The following MAEL variants were observed in gnomAD, a reference collection of about 807,000 sequenced individuals.
MAEL encodes maelstrom spermatogenic transposon silencer.
A neutral mutation model predicts 62.0 loss-of-function variants in MAEL; 46 were observed. The ratio of observed to expected loss-of-function variants is 0.74; its 90% confidence interval spans 0.59 to 0.95. The LOEUF (loss-of-function observed/expected upper bound fraction) is 0.95. Ranked by LOEUF, MAEL falls within the 40% of genes least tolerant of loss-of-function variation. MAEL has a pLI of 0.00. For synonymous variants in MAEL, 172 were observed against 175.5 expected (o/e 0.98, Z 0.16); for missense variants, 497 against 526.8 (o/e 0.94, Z 0.55).
intron 1 of MAEL, among the ~76,000 whole-genome samples, chr1:166,980,710 A>G (rs1663735332): frequency 6.6e-6 from 1 of 152,034 alleles, no homozygotes; most frequent in African/African-American, 2.4e-5. Context: ...TTCTGTTTTT[A>G]TTTCATGGTT....
At position 166,989,473 on chromosome 1, in the gene MAEL, T is replaced by G. The variant is rs11578336; in HGVS notation, c.121T>G (p.Ser41Ala). ...TGCTGATGCCATCCCTTACTGCTCCTCAGACTGGGCGGTAAGGCTGGAGCG... is the reference window on the plus strand; with the variant it reads ...TGCTGATGCCATCCCTTACTGCTCCGCAGACTGGGCGGTAAGGCTGGAGCG... Reference protein sequence around the residue: ...RVADAIPYCSSDWALLREEEK... With the variant: ...RVADAIPYCSADWALLREEEK... Residue 41 changes from serine to alanine, a missense_variant, in exon 1 of 12, where the codon TCA becomes GCA. By Grantham distance (99) the Ser-to-Ala change is moderately conservative. Transcript: ENST00000367872. The G allele has an allele frequency of 0.24, 385,061 of 1,584,168 alleles. 47,874 individuals are homozygous for G. The highest frequency in any genetic ancestry group is 0.37 in the African/African-American group (27,239 of 74,548).
At chr1:166,983,386 CTT>C (rs550265495) in intron 1 of MAEL, among the ~76,000 whole-genome samples, 514 of 152,156 alleles carry the variant, frequency 3.4e-3, no homozygotes, top group Non-Finnish European at 5.1e-3. Context: ...TTTTCTCTCT[CTT>C]CACTCTCTCC....
intron 4 of MAEL, among the ~76,000 whole-genome samples, chr1:166,993,672 CT>C (rs1021899647): frequency 2.0e-5 from 3 of 152,154 alleles, no homozygotes; most frequent in African/African-American, 7.2e-5. Context: ...AATTTGGGGA[CT>C]GTTTTTCCTC....
At chr1:166,990,958 C>A (rs951445446) in intron 2 of MAEL, among the ~76,000 whole-genome samples, 1 of 152,206 alleles carries the variant, frequency 6.6e-6, no homozygotes, top group African/African-American at 2.4e-5. Flanking sequence ...TATCTCTCCT[C>A]AAAACTAAAG....
At chr1:166,998,695 C>G (rs1198128852) in intron 5 of MAEL, among the ~76,000 whole-genome samples, 1 of 152,146 alleles carries the variant, frequency 6.6e-6, no homozygotes, top group African/African-American at 2.4e-5. Flanking sequence ...TACATGCACA[C>G]CTTGTTTTAT....
At chr1:166,977,285 T>A (rs921351414) in intron 1 of MAEL, among the ~76,000 whole-genome samples, 1 of 152,236 alleles carries the variant, frequency 6.6e-6, no homozygotes, top group Non-Finnish European at 1.5e-5. Flanking sequence ...ATGTACTGCA[T>A]GAGAGAAATT....
intron 5 of MAEL, among the ~76,000 whole-genome samples, chr1:167,001,979 C>T (rs1473443815): frequency 1.3e-5 from 2 of 152,150 alleles, no homozygotes; most frequent in African/African-American, 2.4e-5. Flanking sequence ...CAAGGTTTTG[C>T]CATGTTGGCC....
chr1:167,008,914 A>G (rs1665044808), intron 8 of MAEL, among the ~76,000 whole-genome samples: 1 of 151,640 alleles, frequency 6.6e-6, no homozygotes, highest in African/African-American at 2.4e-5. Flanking sequence ...TGTTTATAAT[A>G]TTTTTACTTT....
intron 1 of MAEL, among the ~76,000 whole-genome samples, chr1:166,976,254 T>G (rs1477421726): frequency 2.0e-5 from 3 of 152,236 alleles, no homozygotes; most frequent in Non-Finnish European, 4.4e-5. Context: ...TCAGACGGAT[T>G]TGTCTTGTGT....
chr1:166,978,216 A>C (rs1184082043), intron 1 of MAEL, among the ~76,000 whole-genome samples: 1 of 152,154 alleles, frequency 6.6e-6, no homozygotes, highest in Non-Finnish European at 1.5e-5. Context: ...AGTGCCCTGC[A>C]TGTCTACTTT....
At chr1:166,997,303 C>T (rs1435375269) in intron 5 of MAEL, among the ~76,000 whole-genome samples, 3 of 152,240 alleles carry the variant, frequency 2.0e-5, no homozygotes, top group Non-Finnish European at 4.4e-5. Context: ...ATGAGGCCTG[C>T]ATGCCGTGGG....
At chr1:166,991,531 A>G (rs2102070316) in intron 3 of MAEL, 54 bp downstream of exon 3, 4 of 1,007,852 alleles carry the variant, frequency 4.0e-6, no homozygotes, top group South Asian at 1.3e-5. Context: ...CCAAAACACT[A>G]TATTTGTCAG....
At chr1:167,004,952 CT>C in intron 6 of MAEL, 123 bp from the exon 7 acceptor site, 1 of 797,870 alleles carries the variant, frequency 1.3e-6, no homozygotes, top group South Asian at 1.8e-5. Flanking sequence ...ACTCCTCAGT[CT>C]TTCTCCTGTG....
At chr1:167,009,010 A>G (rs1665049665) in intron 8 of MAEL, among the ~76,000 whole-genome samples, 1 of 150,712 alleles carries the variant, frequency 6.6e-6, no homozygotes, top group Non-Finnish European at 1.5e-5. Flanking sequence ...ATGAGAATAT[A>G]CTTTCTTTTC....
At chr1:166,986,481 T>C (rs1663917186), upstream of MAEL, among the ~76,000 whole-genome samples, 1 of 152,142 alleles carries the variant, frequency 6.6e-6, no homozygotes, top group Admixed American at 6.5e-5. Flanking sequence ...AAGCTGCTTG[T>C]CTGTTTGGGA....
chr1:166,991,527 C>A, intron 3 of MAEL, 50 bp downstream of exon 3: 1 of 1,057,912 alleles, frequency 9.5e-7, no homozygotes, highest in Non-Finnish European at 1.5e-6. Context: ...GTGCCCAAAA[C>A]ACTATATTTG....
chr1:166,988,498 A>G (rs1320305773), upstream of MAEL, among the ~76,000 whole-genome samples: 1 of 152,156 alleles, frequency 6.6e-6, no homozygotes, highest in East Asian at 1.9e-4. Flanking sequence ...AGCTGACCCG[A>G]GAAAGGAATT....
Position 166,992,698 on chromosome 1 carries a change from G to T in MAEL, c.338G>T (p.Gly113Val). ...SLKGDQALLG[G>V]IFYFLNIFSH... is the part of the protein sequence containing the mutation. ...AATTTTTTTTTAGCTCTCCTTGGAG[G>T]CATTTTTTATTTTTTGAACATTTTT... The change falls in exon 4 of 12, where the codon GGC becomes GTC. Residue 113 changes from glycine (G) to valine (V), a missense_variant. Coordinates refer to ENST00000367872, the MANE Select transcript of MAEL (RefSeq NM_032858.3). The T allele has an allele frequency of 1.9e-6, 3 of 1,587,186 alleles. No individual in the cohort carries two copies. Among genetic ancestry groups the T allele is most frequent in the African/African-American group, 1.4e-5 (1 of 73,008 alleles).
Position 166,989,955 on chromosome 1 carries a change from C to G in MAEL, c.225+126C>G, listed in dbSNP as rs531769613. The G allele has an allele frequency of 8.4e-6, 6 of 714,648 alleles. No homozygotes were observed. The East Asian group carries it at 1.7e-4, about 20-fold the overall frequency. The allele number at this position is 714,648 out of a possible 1,614,324, so 44.3% of individuals were successfully genotyped here. A position where few individuals can be genotyped will look rare whatever the true frequency, so the allele number is the denominator to read the frequency against. On this transcript the variant is annotated intron_variant, in intron 2 of 11. Transcript: ENST00000367872. Reference sequence around the variant, plus strand: ...GGGGGTTCGGTTAGTGCGAAGACGACGTTCTTCTTTTCCCCTGGTGTCAGA... The same window carrying G: ...GGGGGTTCGGTTAGTGCGAAGACGAGGTTCTTCTTTTCCCCTGGTGTCAGA...
Sources: gnomAD v4.1 joint callset for allele counts (sites outside exome capture counted in the v4.1 genomes callset) on GRCh38, gnomAD v4.1.1 for gene constraint, MANE v1.5 for transcripts, NCBI Gene and HGNC (gene_info 2026-07-23, HGNC 2026-07-21) for gene names.